The following RALYL variants were observed in gnomAD, a reference collection of about 807,000 sequenced individuals.
The protein encoded by RALYL is RNA-binding Raly-like protein.
A neutral mutation model predicts 35.1 loss-of-function variants in RALYL; 29 were observed. The observed-to-expected ratio is 0.83, with a 90% CI of 0.61 to 1.13. The LOEUF is 1.13. Ranked by LOEUF, RALYL falls within the 50% of genes most tolerant of loss-of-function variation. RALYL has a pLI of 0.00. For missense variants in RALYL, 359 were observed against 360.4 expected (o/e 1.00, Z 0.03); for synonymous variants, 120 against 127.6 (o/e 0.94, Z 0.40).
At chr8:84,489,123 T>A (rs909104367) in intron 1 of RALYL, among the ~76,000 whole-genome samples, 3 of 151,978 alleles carry the variant, frequency 2.0e-5, no homozygotes, top group African/African-American at 7.2e-5. Context: ...TACTGTAGAG[T>A]TTCCTATCAA....
chr8:84,412,498 T>C (rs980716442), intron 1 of RALYL, among the ~76,000 whole-genome samples: 25 of 151,874 alleles, frequency 1.6e-4, no homozygotes, highest in African/African-American at 6.0e-4. Context: ...GATTTCCCTC[T>C]GGGTTTCATT....
intron 5 of RALYL, among the ~76,000 whole-genome samples, chr8:84,858,510 A>G (rs989812342): frequency 6.6e-6 from 1 of 152,186 alleles, no homozygotes. Flanking sequence ...GAAAAACAAG[A>G]GGAAGGAAAA....
intron 1 of RALYL, among the ~76,000 whole-genome samples, chr8:84,204,413 C>A (rs1336591492): frequency 1.3e-5 from 2 of 152,162 alleles, no homozygotes; most frequent in East Asian, 3.8e-4. Flanking sequence ...CTTACAAAGA[C>A]TACACATATT....
chr8:84,494,106 T>C (rs1423100572), intron 1 of RALYL, among the ~76,000 whole-genome samples: 2 of 152,200 alleles, frequency 1.3e-5, no homozygotes, highest in East Asian at 3.9e-4. Flanking sequence ...GGGTCCAGTT[T>C]CAGTTTTCTG....
intron 2 of RALYL, among the ~76,000 whole-genome samples, chr8:84,664,263 ATTTTTTT>A (rs60423756): frequency 8.6e-5 from 5 of 58,046 alleles, no homozygotes; most frequent in African/African-American, 3.0e-4. Context: ...ATGCCTCTAG[ATTTTTTT>A]TTTTTTTTTT....
chr8:84,445,617 A>G (rs943835037), intron 1 of RALYL, among the ~76,000 whole-genome samples: 3 of 151,784 alleles, frequency 2.0e-5, no homozygotes, highest in African/African-American at 7.2e-5. Context: ...AATGGTTAAT[A>G]CTGATACTTA....
intron 1 of RALYL, among the ~76,000 whole-genome samples, chr8:84,478,477 C>A (rs146345039): frequency 6.6e-6 from 1 of 152,156 alleles, no homozygotes; most frequent in African/African-American, 2.4e-5. Flanking sequence ...GTTTTCTATA[C>A]TAATCACTTT....
intron 6 of RALYL, among the ~76,000 whole-genome samples, chr8:84,867,873 C>A (rs1471866593): frequency 1.3e-5 from 2 of 151,988 alleles, no homozygotes; most frequent in Middle Eastern, 3.2e-3. Flanking sequence ...ATTTCATAGA[C>A]AAAATAGACA....
At chr8:84,541,160 A>G (rs1197646757) in intron 2 of RALYL, among the ~76,000 whole-genome samples, 2 of 150,522 alleles carry the variant, frequency 1.3e-5, no homozygotes, top group Admixed American at 6.6e-5. Flanking sequence ...TTAATTTGCC[A>G]CTCTTTTCCT....
rs1839380392 is a variant in RALYL, at chr8:84,697,509, ATAT to A, written c.257-77066_257-77064del. Among the ~76,000 whole-genome samples, 8 of 152,162 alleles carry A rather than the reference ATAT, an allele frequency of 5.3e-5. No individual in the cohort carries two copies. The South Asian group carries it at 8.3e-4, about 16-fold the overall frequency. ...CATAATGGACCTTAGATTAGTGCAA[ATAT>A]TATCATTTCAGTGGACTTCATGCAC... On this transcript the variant is annotated intron_variant, in intron 2 of 8. Coordinates refer to ENST00000521268, the MANE Select transcript of RALYL (RefSeq NM_173848.7).
chr8:84,491,690 T>C (rs771957127), intron 1 of RALYL, among the ~76,000 whole-genome samples: 1 of 152,042 alleles, frequency 6.6e-6, no homozygotes, highest in Non-Finnish European at 1.5e-5. Flanking sequence ...AACTTTTTGC[T>C]ATCTAAGAAT....
intron 2 of RALYL, among the ~76,000 whole-genome samples, chr8:84,688,353 A>C (rs1225298845): frequency 6.6e-6 from 1 of 152,120 alleles, no homozygotes; most frequent in Non-Finnish European, 1.5e-5. Context: ...GTAGTAATCG[A>C]AACAGCCTGA....
intron 1 of RALYL, among the ~76,000 whole-genome samples, chr8:84,221,297 G>T (rs995006564): frequency 3.3e-5 from 5 of 152,024 alleles, no homozygotes; most frequent in African/African-American, 9.7e-5. Context: ...GTGTGTGTGT[G>T]TGTGTGCATG....
intron 1 of RALYL, among the ~76,000 whole-genome samples, chr8:84,478,080 G>A (rs116859097): frequency 0.014 from 2,180 of 151,968 alleles, 22 homozygotes; most frequent in Middle Eastern, 0.031. Flanking sequence ...TTCTTCAAGC[G>A]TGAAGTCTCA....
intron 1 of RALYL, among the ~76,000 whole-genome samples, chr8:84,291,661 T>C (rs1044852552): frequency 6.6e-6 from 1 of 151,986 alleles, no homozygotes; most frequent in African/African-American, 2.4e-5. Context: ...AAAAATGTGC[T>C]TACTATAGAT....
chr8:84,734,706 G>A (rs1367776249), intron 2 of RALYL, among the ~76,000 whole-genome samples: 3 of 151,958 alleles, frequency 2.0e-5, no homozygotes, highest in Non-Finnish European at 4.4e-5. Flanking sequence ...ACTGAAAATG[G>A]CATTATCTAT....
chr8:84,439,201 T>G (rs973839606), intron 1 of RALYL, among the ~76,000 whole-genome samples: 3 of 152,206 alleles, frequency 2.0e-5, no homozygotes. Flanking sequence ...GTGATATTGA[T>G]TCTTCAAATC....
Position 84,911,325 on chromosome 8 carries a change from A to G in RALYL, c.859-9569A>G, listed in dbSNP as rs118105723. Among the ~76,000 whole-genome samples the G allele has an allele frequency of 5.1e-3, 778 of 152,298 alleles. 1 individual carries two copies. The highest frequency in any genetic ancestry group is 9.6e-3 in the Non-Finnish European group (650 of 68,012). The stretch of plus-strand genomic sequence containing the variant: ...ATATGGTATTTTCTATATAAGTAAT[A>G]AAACTGGTTATATCTTTTCATAACC... On this transcript the variant is annotated intron_variant, in intron 8 of 8. Coordinates refer to ENST00000521268, the MANE Select transcript of RALYL (RefSeq NM_173848.7).
intron 2 of RALYL, among the ~76,000 whole-genome samples, chr8:84,647,150 A>C (rs1022712235): frequency 1.3e-5 from 2 of 152,064 alleles, no homozygotes; most frequent in African/African-American, 4.8e-5. Flanking sequence ...ATAGGTCTTT[A>C]AGATCTGGAG....
Sources: gnomAD v4.1 joint callset for allele counts (sites outside exome capture counted in the v4.1 genomes callset) on GRCh38, gnomAD v4.1.1 for gene constraint, MANE v1.5 for transcripts, NCBI Gene and HGNC (gene_info 2026-07-23, HGNC 2026-07-21) for gene names.